Variants in OPCML observed in about 807,000 individuals in gnomAD.
OPCML encodes opioid-binding protein/cell adhesion molecule.
In OPCML, 13 loss-of-function variants were observed where a neutral mutation model predicts 37.8. That is an observed-to-expected ratio of 0.34 (90% CI 0.22 to 0.55). The LOEUF is 0.55. Ranked by LOEUF, OPCML falls within the 20% of genes least tolerant of loss-of-function variation. The pLI, the probability that OPCML is intolerant of heterozygous loss-of-function variation, is 0.91. For missense variants in OPCML, 341 were observed against 435.6 expected (o/e 0.78, Z 1.93); for synonymous variants, 176 against 168.8 (o/e 1.04, Z -0.33).
At chr11:132,510,228 AC>A (rs2096265976) in intron 4 of OPCML, among the ~76,000 whole-genome samples, 2 of 152,098 alleles carry the variant, frequency 1.3e-5, no homozygotes, top group East Asian at 3.9e-4. Context: ...CAGTATCTGT[AC>A]CCCCATCGTA....
At chr11:132,827,328 G>A (rs987823830) in intron 2 of OPCML, among the ~76,000 whole-genome samples, 5 of 152,120 alleles carry the variant, frequency 3.3e-5, no homozygotes, top group Admixed American at 1.3e-4. Context: ...AACATCATAC[G>A]TCATGGGAGT....
intron 1 of OPCML, among the ~76,000 whole-genome samples, chr11:132,970,940 A>G (rs1354143564): frequency 1.3e-5 from 2 of 152,212 alleles, no homozygotes; most frequent in African/African-American, 4.8e-5. Context: ...GTTCTTGCCA[A>G]TTAAACTGTG....
chr11:132,541,018 G>T (rs1475559403), intron 3 of OPCML, among the ~76,000 whole-genome samples: 1 of 152,110 alleles, frequency 6.6e-6, no homozygotes, highest in Admixed American at 6.5e-5. Flanking sequence ...AGGATCACAG[G>T]GTTTAATTTA....
chr11:132,812,106 C>T (rs1939381373), intron 2 of OPCML, among the ~76,000 whole-genome samples: 1 of 152,124 alleles, frequency 6.6e-6, no homozygotes, highest in Non-Finnish European at 1.5e-5. Flanking sequence ...CTTCAGGGGT[C>T]CTTTTAACCC....
chr11:133,179,422 G>A (rs1293912431), intron 1 of OPCML, among the ~76,000 whole-genome samples: 1 of 152,040 alleles, frequency 6.6e-6, no homozygotes, highest in Non-Finnish European at 1.5e-5. Flanking sequence ...AGGTGCCCAG[G>A]AACAGCACCT....
At chr11:132,658,143 T>C (rs1364291844) in intron 2 of OPCML, among the ~76,000 whole-genome samples, 1 of 152,208 alleles carries the variant, frequency 6.6e-6, no homozygotes, top group Non-Finnish European at 1.5e-5. Context: ...CGTCTGCGCA[T>C]GTGCCCAGGA....
intron 1 of OPCML, among the ~76,000 whole-genome samples, chr11:133,035,225 C>T (rs2136932859): frequency 6.6e-6 from 1 of 152,342 alleles, no homozygotes; most frequent in Non-Finnish European, 1.5e-5. Flanking sequence ...CCCTATCTGT[C>T]ATGTCGCCGA....
At chr11:132,960,789 A>G (rs1173893236) in intron 1 of OPCML, among the ~76,000 whole-genome samples, 2 of 152,198 alleles carry the variant, frequency 1.3e-5, no homozygotes, top group East Asian at 3.9e-4. Flanking sequence ...TTTTACCGAC[A>G]ATTCCCAGAC....
At chr11:132,552,788 G>A (rs1028068779) in intron 3 of OPCML, among the ~76,000 whole-genome samples, 1 of 45,044 alleles carries the variant, frequency 2.2e-5, no homozygotes, top group African/African-American at 3.0e-4. Flanking sequence ...TTGAGACCGA[G>A]TGGAGTCTCG....
chr11:133,473,759 G>A (rs150326650), intron 1 of OPCML, among the ~76,000 whole-genome samples: 25 of 152,234 alleles, frequency 1.6e-4, no homozygotes, highest in African/African-American at 5.5e-4. Flanking sequence ...ATCTAACTTT[G>A]TGCCCAGTAC....
intron 4 of OPCML, among the ~76,000 whole-genome samples, chr11:132,493,878 C>G (rs1234159894): frequency 1.3e-5 from 2 of 152,204 alleles, no homozygotes; most frequent in Non-Finnish European, 2.9e-5. Flanking sequence ...TTGCCCCTAC[C>G]CTGCTCCCAT....
chr11:132,521,501 G>A (rs572187509), intron 4 of OPCML, among the ~76,000 whole-genome samples: 49 of 152,268 alleles, frequency 3.2e-4, no homozygotes, highest in South Asian at 2.1e-3. Context: ...GGACATGGAT[G>A]AAGCTGGAAG....
intron 1 of OPCML, among the ~76,000 whole-genome samples, chr11:133,459,833 C>T (rs61017504): frequency 0.19 from 29,165 of 151,900 alleles, 7,359 homozygotes; most frequent in African/African-American, 0.58. Context: ...AGATCAAATA[C>T]GAATACAGAG....
intron 1 of OPCML, among the ~76,000 whole-genome samples, chr11:133,169,880 A>G (rs1592068872): frequency 6.6e-6 from 1 of 152,248 alleles, no homozygotes; most frequent in East Asian, 1.9e-4. Flanking sequence ...CCAAGTAAAC[A>G]TTTTAATAAT....
At position 132,779,293 on chromosome 11, in the gene OPCML, A is replaced by G. The variant is rs1263657709; in HGVS notation, c.147-121974T>C. Among the ~76,000 whole-genome samples, 3 of 152,258 alleles carry G rather than the reference A, an allele frequency of 2.0e-5. No individual in the cohort carries two copies. In the East Asian group the frequency reaches 5.8e-4, roughly 29 times the overall value. ...TTAAGTTGTATATTTCTTTAACTTG[A>G]AATGTATCACAGCGTATGTCCCAGT... On this transcript the variant is annotated intron_variant, in intron 2 of 7. Transcript: ENST00000524381.
chr11:133,040,842 C>T (rs1398710156), intron 1 of OPCML, among the ~76,000 whole-genome samples: 3 of 152,108 alleles, frequency 2.0e-5, no homozygotes, highest in Admixed American at 6.5e-5. Flanking sequence ...TACAGGGAAG[C>T]ACATCAAACA....
chr11:132,739,489 C>T (rs1235424782), intron 2 of OPCML, among the ~76,000 whole-genome samples: 2 of 152,246 alleles, frequency 1.3e-5, no homozygotes, highest in Admixed American at 6.5e-5. Context: ...AAAGAACTAC[C>T]CACAGGCACC....
At chr11:133,487,038 A>G (rs1361163511) in intron 1 of OPCML, among the ~76,000 whole-genome samples, 2 of 152,020 alleles carry the variant, frequency 1.3e-5, no homozygotes, top group African/African-American at 4.8e-5. Flanking sequence ...ATCATTGTTC[A>G]TTCTGATTAC....
chr11:133,467,073 A>T (rs1463048427), intron 1 of OPCML, among the ~76,000 whole-genome samples: 1 of 152,228 alleles, frequency 6.6e-6, no homozygotes, highest in Admixed American at 6.5e-5. Context: ...AACATCTGTG[A>T]ACCATGAATT....
Sources: allele counts gnomAD v4.1 joint callset (sites outside exome capture counted in the v4.1 genomes callset), GRCh38; gene constraint gnomAD v4.1.1; transcripts MANE v1.5; gene names NCBI Gene and HGNC (gene_info 2026-07-23, HGNC 2026-07-21).